IAH1: variants seen among roughly 807,000 people sequenced by gnomAD.
IAH1 encodes the protein isoamyl acetate hydrolyzing esterase 1 (putative).
In IAH1, 24 loss-of-function variants were observed where a neutral mutation model predicts 26.7. That is an observed-to-expected ratio of 0.90 (90% CI 0.65 to 1.26). The LOEUF (loss-of-function observed/expected upper bound fraction) is 1.26, where lower values mean the gene tolerates loss of function less well. Ranked by LOEUF, IAH1 falls within the 50% of genes most tolerant of loss-of-function variation. IAH1 has a pLI of 0.00. For missense variants in IAH1, 300 were observed against 299.9 expected, an observed-to-expected ratio of 1.00 and a Z score of 0.00; for synonymous variants, 140 against 118.5, an observed-to-expected ratio of 1.18 and a Z score of -1.18.
intron 5 of IAH1, chr2:9,486,012 G>C (rs1266653093): frequency 6.6e-6 from 1 of 152,182 alleles, no homozygotes; most frequent in African/African-American, 2.4e-5. Flanking sequence ...GTTAGGTTTA[G>C]GCTACTTGGA....
At chr2:9,501,977 G>A in the IAH1 span, among the ~76,000 whole-genome samples, 1 of 151,746 alleles carries the variant, frequency 6.6e-6, no homozygotes, top group South Asian at 2.1e-4. Flanking sequence ...GAGAGTGATG[G>A]AAATGAAAGA....
downstream of IAH1, among the ~76,000 whole-genome samples, chr2:9,492,405 T>C (rs1293848635): frequency 6.6e-6 from 1 of 152,240 alleles, no homozygotes; most frequent in Non-Finnish European, 1.5e-5. Flanking sequence ...CTTACTCTTA[T>C]TTTTTGGGGA....
chr2:9,492,963 C>T (rs61754177), downstream of IAH1: 12,011 of 1,611,580 alleles, frequency 7.5e-3, 67 homozygotes, highest in Admixed American at 0.022. Context: ...ACAGACCCAA[C>T]GATGTTGTCT....
downstream of IAH1, among the ~76,000 whole-genome samples, chr2:9,494,224 C>G (rs553472344): frequency 2.6e-5 from 4 of 152,282 alleles, no homozygotes; most frequent in African/African-American, 9.6e-5. Flanking sequence ...CTCTAGAGAA[C>G]AAAAGGGTCT....
downstream of IAH1, chr2:9,490,255 C>A (rs1334374778): frequency 6.8e-6 from 11 of 1,612,720 alleles, no homozygotes; most frequent in Non-Finnish European, 9.3e-6. Flanking sequence ...TTCTGGTGAC[C>A]GGATGGTCCG....
chr2:9,476,819 C>T (rs975627629), intron 2 of IAH1, among the ~76,000 whole-genome samples: 1 of 152,194 alleles, frequency 6.6e-6, no homozygotes, highest in Non-Finnish European at 1.5e-5. Context: ...GGCTGTTTCA[C>T]TCCTTTTGTG....
intron 5 of IAH1, chr2:9,486,178 C>T (rs776629676): frequency 6.6e-6 from 1 of 152,218 alleles, no homozygotes; most frequent in Admixed American, 6.5e-5. Context: ...CATACTACCA[C>T]GTGGATGCCG....
downstream of IAH1, chr2:9,491,045 C>T: frequency 6.6e-7 from 1 of 1,514,804 alleles, no homozygotes; most frequent in Non-Finnish European, 9.1e-7. Flanking sequence ...AAGGTCTTTG[C>T]CTAACAGGGC....
At chr2:9,483,968 AATG>A (rs1458216224) in intron 4 of IAH1, among the ~76,000 whole-genome samples, 3 of 152,226 alleles carry the variant, frequency 2.0e-5, no homozygotes, top group Non-Finnish European at 4.4e-5. Context: ...AAAGCCGACA[AATG>A]ATTTTGCTGT....
At chr2:9,482,032 C>CTTTTT (rs58813442) in intron 4 of IAH1, among the ~76,000 whole-genome samples, 1,413 of 134,610 alleles carry the variant, frequency 0.01, 42 homozygotes, top group Middle Eastern at 0.021. Flanking sequence ...TGGAAGTTCT[C>CTTTTT]TTTTTTTTTT....
chr2:9,493,352 T>A (rs957758621), downstream of IAH1, among the ~76,000 whole-genome samples: 2 of 152,206 alleles, frequency 1.3e-5, no homozygotes, highest in African/African-American at 4.8e-5. Flanking sequence ...CAACATGATA[T>A]ACCCTGCTTC....
the IAH1 span, among the ~76,000 whole-genome samples, chr2:9,502,804 C>T: frequency 1.4e-5 from 2 of 143,660 alleles, no homozygotes; most frequent in South Asian, 2.2e-4. Flanking sequence ...GCCTGGACCC[C>T]GGAGACAGAG....
chr2:9,507,222 G>A, the IAH1 span, among the ~76,000 whole-genome samples: 8 of 152,286 alleles, frequency 5.3e-5, no homozygotes, highest in Non-Finnish European at 1.0e-4. Flanking sequence ...GGGCACAGCA[G>A]CTCATGCCTG....
chr2:9,509,833 C>T, the IAH1 span: 10 of 1,062,158 alleles, frequency 9.4e-6, no homozygotes, highest in African/African-American at 1.6e-5. Context: ...CCCCAAAACA[C>T]ACAACCACGT....
downstream of IAH1, among the ~76,000 whole-genome samples, chr2:9,500,939 T>TA (rs1350658641): frequency 2.0e-5 from 3 of 152,190 alleles, no homozygotes; most frequent in Non-Finnish European, 2.9e-5. Context: ...CTGTGGAAAA[T>TA]ATCTTTTTAA....
intron 5 of IAH1, 44 bp downstream of exon 5, chr2:9,484,594 C>A: frequency 7.7e-7 from 1 of 1,296,742 alleles, no homozygotes; most frequent in Non-Finnish European, 1.1e-6. Flanking sequence ...TAGGATCACA[C>A]AGAAGTAAAC....
intron 5 of IAH1, 141 bp from the exon 6 acceptor site, chr2:9,488,006 G>GTAT (rs1661710696): frequency 3.5e-6 from 2 of 570,964 alleles, no homozygotes; most frequent in African/African-American, 3.8e-5. Flanking sequence ...GCTAATTTTT[G>GTAT]TATTTTTAAA....
the IAH1 span, chr2:9,510,170 CCA>C: frequency 6.2e-7 from 1 of 1,608,778 alleles, no homozygotes; most frequent in Non-Finnish European, 8.5e-7. Context: ...TTCTCAATAT[CCA>C]GCCATCACCT....
downstream of IAH1, chr2:9,494,641 A>T: frequency 2.5e-6 from 4 of 1,613,932 alleles, no homozygotes; most frequent in Non-Finnish European, 3.4e-6. Flanking sequence ...ACTCACATTC[A>T]TGTCACAAAA....
Sources: allele counts gnomAD v4.1 joint callset (sites outside exome capture counted in the v4.1 genomes callset), GRCh38; gene constraint gnomAD v4.1.1; transcripts MANE v1.5; gene names NCBI Gene and HGNC (gene_info 2026-07-23, HGNC 2026-07-21).